ROR1: variants seen among roughly 807,000 people sequenced by gnomAD.
ROR1 encodes the protein ROR family WNT receptor 1.
Under a neutral mutation model 78.8 loss-of-function variants are expected in ROR1, and 19 were observed. The ratio of observed to expected loss-of-function variants is 0.24; its 90% confidence interval spans 0.17 to 0.35. The LOEUF (loss-of-function observed/expected upper bound fraction) is 0.35, where lower values mean the gene tolerates loss of function less well. Among genes scored for constraint, ROR1 ranks in the 10% least tolerant of loss-of-function variants. The pLI is 1.00. For missense variants in ROR1, 917 were observed against 1,177.8 expected (o/e 0.78, Z 3.24); for synonymous variants, 386 against 433.6 (o/e 0.89, Z 1.36).
chr1:63,803,662 A>AT (rs1288937741), intron 1 of ROR1, among the ~76,000 whole-genome samples: 1 of 152,254 alleles, frequency 6.6e-6, no homozygotes, highest in Non-Finnish European at 1.5e-5. Flanking sequence ...TTTTTAAAAA[A>AT]GGTTTGACAT....
At chr1:63,822,037 A>G (rs1410260606) in intron 1 of ROR1, among the ~76,000 whole-genome samples, 1 of 152,230 alleles carries the variant, frequency 6.6e-6, no homozygotes. Context: ...TAGTAAATGT[A>G]CTGGGAAGCT....
intron 4 of ROR1, among the ~76,000 whole-genome samples, chr1:64,118,326 G>C (rs1216155164): frequency 4.6e-5 from 7 of 152,136 alleles, no homozygotes; most frequent in African/African-American, 1.7e-4. Flanking sequence ...ATAGCAAAAT[G>C]GTTAAGAATT....
chr1:64,025,512 A>G (rs772820599), intron 2 of ROR1, among the ~76,000 whole-genome samples: 34 of 152,304 alleles, frequency 2.2e-4, no homozygotes, highest in Non-Finnish European at 4.7e-4. Context: ...ATAGCAGCAC[A>G]ATTTGCTGTT....
chr1:63,920,918 G>C (rs1645649304), intron 1 of ROR1, among the ~76,000 whole-genome samples: 3 of 152,190 alleles, frequency 2.0e-5, no homozygotes, highest in Non-Finnish European at 4.4e-5. Flanking sequence ...TTGGACACTT[G>C]TTGGGCATTT....
At chr1:64,173,663 G>T (rs554212202) in intron 8 of ROR1, among the ~76,000 whole-genome samples, 2 of 152,116 alleles carry the variant, frequency 1.3e-5, no homozygotes, top group African/African-American at 4.8e-5. Context: ...AAAATTAGGC[G>T]TTCTGTTTCC....
At chr1:63,882,691 A>C (rs900972119) in intron 1 of ROR1, among the ~76,000 whole-genome samples, 2 of 152,236 alleles carry the variant, frequency 1.3e-5, no homozygotes, top group African/African-American at 2.4e-5. Flanking sequence ...AAATGTCACC[A>C]GTCTACAATG....
intron 2 of ROR1, among the ~76,000 whole-genome samples, chr1:64,043,107 T>G (rs1326553739): frequency 6.6e-6 from 1 of 152,242 alleles, no homozygotes; most frequent in Non-Finnish European, 1.5e-5. Context: ...GCTCAACTCT[T>G]TATATCTCAG....
intron 1 of ROR1, among the ~76,000 whole-genome samples, chr1:63,830,413 G>A (rs1377056410): frequency 6.6e-6 from 1 of 152,182 alleles, no homozygotes; most frequent in Non-Finnish European, 1.5e-5. Context: ...GGGGTCTCAG[G>A]AAACTTAAAA....
intron 4 of ROR1, among the ~76,000 whole-genome samples, chr1:64,056,565 AC>A (rs1350229125): frequency 6.6e-6 from 1 of 151,554 alleles, no homozygotes; most frequent in Non-Finnish European, 1.5e-5. Context: ...AATCCCAGCT[AC>A]TCGAGAGGCT....
intron 1 of ROR1, among the ~76,000 whole-genome samples, chr1:63,807,027 G>T (rs1644834108): frequency 6.6e-6 from 1 of 152,128 alleles, no homozygotes; most frequent in Non-Finnish European, 1.5e-5. Context: ...GTCCTAGGAG[G>T]TTTTAGATCT....
chr1:63,823,773 T>C (rs1435772315), intron 1 of ROR1, among the ~76,000 whole-genome samples: 2 of 152,014 alleles, frequency 1.3e-5, no homozygotes, highest in African/African-American at 4.8e-5. Flanking sequence ...ACTTTTTTTT[T>C]TTTTTGAGAC....
chr1:63,805,100 C>A (rs887770472), intron 1 of ROR1, among the ~76,000 whole-genome samples: 1 of 152,152 alleles, frequency 6.6e-6, no homozygotes, highest in Admixed American at 6.5e-5. Flanking sequence ...GATTCTGCTC[C>A]CCTGTAAGAA....
intron 2 of ROR1, among the ~76,000 whole-genome samples, chr1:64,016,733 T>TTATATATATATATA (rs58622476): frequency 0.027 from 3,741 of 140,508 alleles, 108 homozygotes; most frequent in Admixed American, 0.082. Context: ...TAAAATATAA[T>TTATATATATATATA]TATATATATA....
chr1:64,080,348 C>T (rs1320243082), intron 4 of ROR1, among the ~76,000 whole-genome samples: 1 of 152,114 alleles, frequency 6.6e-6, no homozygotes, highest in Non-Finnish European at 1.5e-5. Context: ...ACAGGACAGC[C>T]GCTCTCAACA....
chr1:63,956,879 A>C (rs1645986772), intron 1 of ROR1, among the ~76,000 whole-genome samples: 1 of 152,162 alleles, frequency 6.6e-6, no homozygotes, highest in South Asian at 2.1e-4. Flanking sequence ...AATGTAATGG[A>C]GTTGAAAACA....
intron 1 of ROR1, among the ~76,000 whole-genome samples, chr1:63,796,035 A>G (rs1644757835): frequency 6.6e-6 from 1 of 152,282 alleles, no homozygotes; most frequent in Non-Finnish European, 1.5e-5. Flanking sequence ...TGTTGGCAAC[A>G]TTCTGTGCTG....
chr1:63,886,868 G>A (rs1055716655), intron 1 of ROR1, among the ~76,000 whole-genome samples: 2 of 152,210 alleles, frequency 1.3e-5, no homozygotes, highest in Non-Finnish European at 2.9e-5. Flanking sequence ...CTTCCAGGCA[G>A]GTGGGATAGG....
intron 4 of ROR1, among the ~76,000 whole-genome samples, chr1:64,061,182 G>C (rs1447895757): frequency 6.6e-6 from 1 of 152,158 alleles, no homozygotes; most frequent in Non-Finnish European, 1.5e-5. Context: ...TCTGTGTCCT[G>C]AAAGCTTTTC....
chr1:64,137,048 T>C (rs1359047475), intron 4 of ROR1, among the ~76,000 whole-genome samples: 2 of 152,176 alleles, frequency 1.3e-5, no homozygotes, highest in Non-Finnish European at 2.9e-5. Flanking sequence ...TGTGCCCAGA[T>C]TTCCAACTCA....
Sources: gnomAD v4.1 joint callset for allele counts (sites outside exome capture counted in the v4.1 genomes callset) on GRCh38, gnomAD v4.1.1 for gene constraint, MANE v1.5 for transcripts, NCBI Gene and HGNC (gene_info 2026-07-23, HGNC 2026-07-21) for gene names.